Variants in ZNF407 observed in about 807,000 individuals in gnomAD.
ZNF407 encodes the protein zinc finger protein 407.
ZNF407 carries 17 observed loss-of-function variants against 131.2 expected under a neutral mutation model. The ratio of observed to expected loss-of-function variants is 0.13; its 90% CI spans 0.09 to 0.19. The LOEUF (loss-of-function observed/expected upper bound fraction) is 0.19, where lower values mean the gene tolerates loss of function less well. Among genes scored for constraint, ZNF407 ranks in the 10% least tolerant of loss-of-function variants. The pLI is 1.00. For missense variants in ZNF407, 2,681 were observed against 2,830.6 expected (o/e 0.95, Z 1.20); for synonymous variants, 1,156 against 1,062.0 (o/e 1.09, Z -1.72).
intron 4 of ZNF407, among the ~76,000 whole-genome samples, chr18:74,836,884 A>G (rs559947502): frequency 2.0e-5 from 3 of 152,166 alleles, no homozygotes; most frequent in African/African-American, 7.2e-5. Context: ...GTTCCTCTGC[A>G]TGGATCACCC....
intron 7 of ZNF407, among the ~76,000 whole-genome samples, chr18:74,911,958 T>C (rs553194545): frequency 6.6e-6 from 1 of 152,294 alleles, no homozygotes; most frequent in South Asian, 2.1e-4. Flanking sequence ...CTAGAGTCTC[T>C]TTCCCATGCC....
intron 3 of ZNF407, among the ~76,000 whole-genome samples, chr18:74,647,970 A>C (rs1415489590): frequency 6.6e-6 from 1 of 152,180 alleles, no homozygotes; most frequent in Non-Finnish European, 1.5e-5. Context: ...CAGAGCGAAC[A>C]TGAGGGGAAG....
At chr18:74,732,151 A>T (rs1295882359) in intron 3 of ZNF407, among the ~76,000 whole-genome samples, 1 of 152,188 alleles carries the variant, frequency 6.6e-6, no homozygotes, top group Non-Finnish European at 1.5e-5. Flanking sequence ...ACTTCAGTTA[A>T]ATCTAAATAA....
chr18:74,984,307 G>GA (rs148856054), intron 8 of ZNF407, among the ~76,000 whole-genome samples: 6,076 of 150,782 alleles, frequency 0.04, 438 homozygotes, highest in African/African-American at 0.14. Flanking sequence ...GTTACCAGAG[G>GA]AAAAAAAAAG....
intron 4 of ZNF407, among the ~76,000 whole-genome samples, chr18:74,825,243 T>C (rs1970394103): frequency 6.6e-6 from 1 of 152,200 alleles, no homozygotes; most frequent in African/African-American, 2.4e-5. Flanking sequence ...TCATGCTGAA[T>C]GGGCAAAAAC....
chr18:74,727,248 G>A (rs1260520995), intron 3 of ZNF407, among the ~76,000 whole-genome samples: 3 of 152,114 alleles, frequency 2.0e-5, no homozygotes, highest in African/African-American at 7.2e-5. Flanking sequence ...CCTGTAGAAC[G>A]GTGGTGAAGA....
At chr18:74,732,393 A>C (rs1444817320) in intron 3 of ZNF407, among the ~76,000 whole-genome samples, 1 of 152,202 alleles carries the variant, frequency 6.6e-6, no homozygotes, top group Non-Finnish European at 1.5e-5. Flanking sequence ...TAGAGTGGAC[A>C]TGAACATCTG....
intron 5 of ZNF407, 24 bp from the exon 6 acceptor site, chr18:74,881,012 C>G: frequency 6.3e-7 from 1 of 1,580,360 alleles, no homozygotes; most frequent in Non-Finnish European, 8.6e-7. Flanking sequence ...TCCGCAGTCC[C>G]TCATCTGTTT....
At chr18:74,954,513 T>C (rs1972253629) in intron 8 of ZNF407, among the ~76,000 whole-genome samples, 1 of 152,208 alleles carries the variant, frequency 6.6e-6, no homozygotes, top group Non-Finnish European at 1.5e-5. Context: ...AATCAGTCCT[T>C]TAAGAAAGAC....
At chr18:74,804,728 C>A in intron 4 of ZNF407, 1 of 601,340 alleles carries the variant, frequency 1.7e-6, no homozygotes, top group Non-Finnish European at 2.1e-6. Context: ...CTGATATTCT[C>A]CGGAAGGTTA....
At chr18:74,740,108 C>T (rs1428801066) in intron 3 of ZNF407, among the ~76,000 whole-genome samples, 2 of 152,092 alleles carry the variant, frequency 1.3e-5, no homozygotes, top group South Asian at 2.1e-4. Flanking sequence ...CAATGTGCCT[C>T]GGCTGAAATC....
intron 2 of ZNF407, 83 bp from the exon 3 acceptor site, chr18:74,640,925 G>C (rs1984682940): frequency 9.8e-7 from 1 of 1,021,316 alleles, no homozygotes; most frequent in Non-Finnish European, 1.5e-6. Flanking sequence ...TTAAAGGTAT[G>C]ATTTAAGATT....
intron 4 of ZNF407, among the ~76,000 whole-genome samples, chr18:74,818,896 A>G (rs1039738947): frequency 1.3e-5 from 2 of 151,434 alleles, no homozygotes; most frequent in Non-Finnish European, 3.0e-5. Flanking sequence ...ACATGAATAA[A>G]GACTAAAGCA....
chr18:74,943,012 G>A (rs770471685), intron 8 of ZNF407, among the ~76,000 whole-genome samples: 1 of 151,978 alleles, frequency 6.6e-6, no homozygotes, highest in Non-Finnish European at 1.5e-5. Context: ...TGCCTCCTGG[G>A]TTCAAGCATT....
At chr18:74,983,626 C>G (rs1315954764) in intron 8 of ZNF407, among the ~76,000 whole-genome samples, 1 of 152,122 alleles carries the variant, frequency 6.6e-6, no homozygotes, top group African/African-American at 2.4e-5. Flanking sequence ...AGGCCCAAAG[C>G]TAAACAAAAT....
At chr18:74,707,998 T>A (rs1028455826) in intron 3 of ZNF407, among the ~76,000 whole-genome samples, 1 of 152,364 alleles carries the variant, frequency 6.6e-6, no homozygotes, top group Middle Eastern at 3.4e-3. Context: ...TGACATTAAT[T>A]TTTACTGGCA....
At chr18:74,962,133 T>C (rs1041004821) in intron 8 of ZNF407, among the ~76,000 whole-genome samples, 7 of 152,366 alleles carry the variant, frequency 4.6e-5, no homozygotes, top group African/African-American at 1.7e-4. Context: ...TGACATGGTG[T>C]CAGTGGTGTG....
chr18:74,698,624 C>T (rs1472220055), intron 3 of ZNF407, among the ~76,000 whole-genome samples: 2 of 152,154 alleles, frequency 1.3e-5, no homozygotes, highest in Non-Finnish European at 2.9e-5. Context: ...GTGTTGAGCT[C>T]TTTGCTCCAC....
chr18:74,746,804 A>C (rs1357696999), intron 3 of ZNF407, among the ~76,000 whole-genome samples: 1 of 152,088 alleles, frequency 6.6e-6, no homozygotes, highest in Non-Finnish European at 1.5e-5. Context: ...AAAAAACGAT[A>C]AGTAAAAGGA....
Sources: allele counts gnomAD v4.1 joint callset (sites outside exome capture counted in the v4.1 genomes callset), GRCh38; gene constraint gnomAD v4.1.1; transcripts MANE v1.5; gene names NCBI Gene and HGNC (gene_info 2026-07-23, HGNC 2026-07-21).